The following POGZ variants were observed in gnomAD, a reference collection of about 807,000 sequenced individuals.
POGZ encodes pogo transposable element derived with ZNF domain.
POGZ carries 17 observed loss-of-function variants against 134.6 expected under a neutral mutation model. That is an observed-to-expected ratio of 0.13 (90% CI 0.09 to 0.19). The LOEUF (loss-of-function observed/expected upper bound fraction) is 0.19. Among genes scored for constraint, POGZ ranks in the 10% least tolerant of loss-of-function variants. The probability of loss-of-function intolerance (pLI) is 1.00; values close to 1 mark genes in which losing one functional copy is unlikely to be tolerated. For missense variants in POGZ, 1,306 were observed against 1,769.7 expected, an observed-to-expected ratio of 0.74 and a Z score of 4.70; for synonymous variants, 693 against 657.1, an observed-to-expected ratio of 1.05 and a Z score of -0.84.
At chr1:151,414,979 G>A (rs1006673442) in intron 10 of POGZ, among the ~76,000 whole-genome samples, 2 of 152,112 alleles carry the variant, frequency 1.3e-5, no homozygotes, top group African/African-American at 4.8e-5. Flanking sequence ...GTCCCTCTGA[G>A]CACCATCACC....
rs1663210945 is a variant in POGZ, at chr1:151,459,160, G to A, written c.-10C>T. Reference sequence around the variant, plus strand: ...CTCGCTCGCTCACTCACCTCCTGTGGTCGTCGCCGCCGGTAGTCTGACCCG... The same window carrying A: ...CTCGCTCGCTCACTCACCTCCTGTGATCGTCGCCGCCGGTAGTCTGACCCG... On this transcript the variant is annotated 5_prime_UTR_variant, in exon 1 of 19. Transcript: ENST00000271715. The A allele has an allele frequency of 6.6e-6, 1 of 151,502 alleles. No individual in the cohort carries two copies. The highest frequency in any genetic ancestry group is 2.4e-5 in the African/African-American group (1 of 41,278). 9.4% of individuals were successfully genotyped at this position (151,502 alleles called of 1,614,324 possible).
chr1:151,409,984 G>C (rs1209379393), intron 12 of POGZ, among the ~76,000 whole-genome samples: 2 of 152,196 alleles, frequency 1.3e-5, no homozygotes, highest in Admixed American at 1.3e-4. Flanking sequence ...AGTTGTGGTA[G>C]ACAATCAGCA....
chr1:151,442,536 C>G lies in POGZ; in HGVS notation c.-1-331G>C, dbSNP rs59848815. The G allele has an allele frequency of 0.077, 13,308 of 173,236 alleles. 1,514 individuals carry two copies. The highest frequency in any genetic ancestry group is 0.45 in the East Asian group (2,892 of 6,452). 10.7% of individuals were successfully genotyped at this position (173,236 alleles called of 1,614,324 possible). A position where few individuals can be genotyped will look rare whatever the true frequency, so the allele number is the denominator to read the frequency against. On this transcript the variant is annotated intron_variant, in intron 1 of 18. Coordinates refer to ENST00000271715, the MANE Select transcript of POGZ (RefSeq NM_015100.4). Reference sequence around the variant, plus strand: ...AACCAGACTGGCCAACATGGCAAAACCCTGTCTTTACTCAAAATACAAAAA... The same window carrying G: ...AACCAGACTGGCCAACATGGCAAAAGCCTGTCTTTACTCAAAATACAAAAA...
At chr1:151,443,993 G>A (rs1345824286) in intron 1 of POGZ, among the ~76,000 whole-genome samples, 1 of 152,072 alleles carries the variant, frequency 6.6e-6, no homozygotes, top group African/African-American at 2.4e-5. Context: ...ATTTAGTTAG[G>A]GCTATACATC....
intron 7 of POGZ, 118 bp from the exon 8 acceptor site, chr1:151,425,179 G>A (rs1249857451): frequency 1.6e-6 from 1 of 624,142 alleles, no homozygotes; most frequent in Non-Finnish European, 3.0e-6. Flanking sequence ...AAGCAAGCAT[G>A]AGAGATCACT....
chr1:151,407,055 A>C (rs1653776262), intron 16 of POGZ, 32 bp from the exon 17 acceptor site: 1 of 1,529,108 alleles, frequency 6.5e-7, no homozygotes, highest in African/African-American at 1.4e-5. Context: ...ATGTAAGACA[A>C]ACACAGCAGT....
chr1:151,408,624 A>C, intron 13 of POGZ, 43 bp from the exon 14 acceptor site: 7 of 1,604,138 alleles, frequency 4.4e-6, no homozygotes, highest in Non-Finnish European at 5.9e-6. Context: ...ACCCACACTA[A>C]ATTTCAGAAT....
At chr1:151,452,507 A>G (rs1296411965) in intron 1 of POGZ, among the ~76,000 whole-genome samples, 3 of 151,872 alleles carry the variant, frequency 2.0e-5, no homozygotes, top group African/African-American at 4.8e-5. Context: ...GGCTATTTTG[A>G]TATTTTCTTA....
At chr1:151,416,210 C>CAAAAAAAAAAAAA (rs1212371839) in intron 10 of POGZ, among the ~76,000 whole-genome samples, 13 of 42,716 alleles carry the variant, frequency 3.0e-4, no homozygotes, top group Admixed American at 8.4e-4. Flanking sequence ...AACTCCATCT[C>CAAAAAAAAAAAAA]AAAAAAAAAA....
intron 1 of POGZ, among the ~76,000 whole-genome samples, chr1:151,444,227 A>C (rs1040588805): frequency 6.6e-6 from 1 of 152,184 alleles, no homozygotes; most frequent in African/African-American, 2.4e-5. Flanking sequence ...AAAAAGATCT[A>C]AGGGATCAAC....
intron 12 of POGZ, among the ~76,000 whole-genome samples, 165 bp from the exon 13 acceptor site, chr1:151,408,993 T>C (rs1295956819): frequency 1.3e-5 from 2 of 152,184 alleles, no homozygotes; most frequent in African/African-American, 4.8e-5. Flanking sequence ...CCACAAAACC[T>C]ACCATTGAGA....
chr1:151,425,302 A>G lies in POGZ; in HGVS notation c.1079-241T>C, dbSNP rs1032789425. 1.1e-5 allele frequency: 4 copies of G among 366,012 alleles called. No homozygotes were observed. The Admixed American group carries it at 1.1e-4, about 10-fold the overall frequency. 22.7% of individuals were successfully genotyped at this position (366,012 alleles called of 1,614,324 possible). A position where few individuals can be genotyped will look rare whatever the true frequency, so the allele number is the denominator to read the frequency against. Reference sequence around the variant, plus strand: ...CTGCAGCCTTGACCTCCCTGGGCTCAAGATCACTATGTTTGAGGCTTCCTT... The same window carrying G: ...CTGCAGCCTTGACCTCCCTGGGCTCGAGATCACTATGTTTGAGGCTTCCTT... On this transcript the variant is annotated intron_variant, in intron 7 of 18. Coordinates refer to ENST00000271715, the MANE Select transcript of POGZ (RefSeq NM_015100.4).
chr1:151,440,766 C>G, intron 3 of POGZ, 162 bp downstream of exon 3: 1 of 568,746 alleles, frequency 1.8e-6, no homozygotes, highest in East Asian at 2.7e-5. Flanking sequence ...ATAGCACCAT[C>G]TACAGAAATC....
chr1:151,419,667 T>TAAA (rs1656504515), intron 10 of POGZ, among the ~76,000 whole-genome samples: 4 of 2,602 alleles, frequency 1.5e-3, no homozygotes, highest in Non-Finnish European at 0.018. Flanking sequence ...AGACCCTGTC[T>TAAA]CAAAAAAAAA....
intron 1 of POGZ, among the ~76,000 whole-genome samples, chr1:151,446,671 G>A (rs1046627633): frequency 1.0e-4 from 15 of 147,968 alleles, no homozygotes; most frequent in Non-Finnish European, 1.8e-4. Flanking sequence ...CAGGAGAATC[G>A]CTTGAACCTG....
intron 10 of POGZ, among the ~76,000 whole-genome samples, chr1:151,418,807 C>T (rs7548614): frequency 0.15 from 23,060 of 151,006 alleles, 3,942 homozygotes; most frequent in East Asian, 0.45. Flanking sequence ...GGGTGGATCA[C>T]GAGGTCAGGA....
chr1:151,443,698 C>T (rs1375648617), intron 1 of POGZ, among the ~76,000 whole-genome samples: 2 of 152,020 alleles, frequency 1.3e-5, no homozygotes, highest in Non-Finnish European at 2.9e-5. Context: ...TGGGCAACAA[C>T]AGCGAAAGTC....
intron 1 of POGZ, among the ~76,000 whole-genome samples, chr1:151,447,734 C>G (rs945458948): frequency 6.7e-6 from 1 of 149,836 alleles, no homozygotes; most frequent in Non-Finnish European, 1.5e-5. Flanking sequence ...AAGCAACACA[C>G]CTGCCTCAGA....
chr1:151,437,051 G>A (rs1262950606), intron 3 of POGZ, among the ~76,000 whole-genome samples: 2 of 151,960 alleles, frequency 1.3e-5, no homozygotes, highest in African/African-American at 2.4e-5. Flanking sequence ...AAAGTTAGCC[G>A]GGTGTGGTGG....
Sources: gnomAD v4.1 joint callset for allele counts (sites outside exome capture counted in the v4.1 genomes callset) on GRCh38, gnomAD v4.1.1 for gene constraint, MANE v1.5 for transcripts, NCBI Gene and HGNC (gene_info 2026-07-23, HGNC 2026-07-21) for gene names.